The following ZC3H12B variants were observed in gnomAD, a reference collection of about 807,000 sequenced individuals.
The protein encoded by ZC3H12B is probable ribonuclease ZC3H12B.
ZC3H12B carries 7 observed loss-of-function variants against 43.9 expected under a neutral mutation model. The ratio of observed to expected loss-of-function variants is 0.16; its 90% CI spans 0.09 to 0.30. The LOEUF is 0.30. ZC3H12B is among the 10% of genes least tolerant of loss of function. ZC3H12B has a pLI of 1.00. For synonymous variants in ZC3H12B, 222 were observed against 241.7 expected, an observed-to-expected ratio of 0.92 and a Z score of 0.76; for missense variants, 475 against 670.2, an observed-to-expected ratio of 0.71 and a Z score of 3.22.
At chrX:65,400,119 C>T (rs1206495741) in intron 3 of ZC3H12B, among the ~76,000 whole-genome samples, 2 of 110,576 alleles carry the variant, frequency 1.8e-5, no homozygotes, top group African/African-American at 3.3e-5. Flanking sequence ...TTTGCTAGGA[C>T]AACAGGGTGA....
At chrX:65,113,094 G>A in the ZC3H12B span, among the ~76,000 whole-genome samples, 3 of 111,317 alleles carry the variant, frequency 2.7e-5, no homozygotes, top group East Asian at 2.9e-4. Flanking sequence ...ACATTGAGGG[G>A]TTAAAGGCTT....
the ZC3H12B span, among the ~76,000 whole-genome samples, chrX:65,313,664 C>A: frequency 7.3e-3 from 824 of 112,289 alleles, 5 homozygotes; most frequent in Non-Finnish European, 0.012. Flanking sequence ...CCAAATATAA[C>A]CAGGTTAACT....
chrX:65,288,650 G>A, the ZC3H12B span, among the ~76,000 whole-genome samples: 1 of 111,982 alleles, frequency 8.9e-6, no homozygotes, highest in South Asian at 3.6e-4. Flanking sequence ...ACTGAGTGGG[G>A]AAAAGTTGAA....
the ZC3H12B span, among the ~76,000 whole-genome samples, chrX:65,311,602 T>G: frequency 1.8e-5 from 2 of 111,914 alleles, no homozygotes; most frequent in African/African-American, 6.5e-5. Flanking sequence ...CTCAAGGATC[T>G]AGAACTAGAA....
chrX:65,142,153 C>A, the ZC3H12B span, among the ~76,000 whole-genome samples: 28 of 112,097 alleles, frequency 2.5e-4, no homozygotes, highest in Non-Finnish European at 4.3e-4. Flanking sequence ...TCCCTGTTCA[C>A]CACATCCATG....
At chrX:65,264,370 C>T in the ZC3H12B span, among the ~76,000 whole-genome samples, 1 of 111,736 alleles carries the variant, frequency 8.9e-6, no homozygotes, top group Non-Finnish European at 1.9e-5. Context: ...ACAATTCATT[C>T]AGTCAATTTC....
chrX:65,327,768 A>G, the ZC3H12B span, among the ~76,000 whole-genome samples: 2 of 111,944 alleles, frequency 1.8e-5, no homozygotes, highest in East Asian at 5.6e-4. Flanking sequence ...TCTGTCGTCC[A>G]TCACTGAATA....
chrX:65,294,075 G>A, the ZC3H12B span, among the ~76,000 whole-genome samples: 1 of 111,337 alleles, frequency 9.0e-6, no homozygotes, highest in South Asian at 3.8e-4. Flanking sequence ...AAGTCAAGAT[G>A]AAGGAAAGAA....
chrX:65,397,659 C>A (rs1363464377), intron 2 of ZC3H12B, among the ~76,000 whole-genome samples: 2 of 111,058 alleles, frequency 1.8e-5, no homozygotes, highest in African/African-American at 6.5e-5. Flanking sequence ...ATACAATAGA[C>A]CCATAGCTAG....
At chrX:65,240,155 T>C in the ZC3H12B span, among the ~76,000 whole-genome samples, 5 of 112,104 alleles carry the variant, frequency 4.5e-5, no homozygotes, top group Non-Finnish European at 7.5e-5. Flanking sequence ...CTGGATGATA[T>C]CCTGTAGTAT....
At chrX:65,070,157 A>G in the ZC3H12B span, among the ~76,000 whole-genome samples, 2 of 104,391 alleles carry the variant, frequency 1.9e-5, no homozygotes, top group Non-Finnish European at 3.9e-5. Flanking sequence ...TGTCTTTTTT[A>G]TTTTCAGTCT....
At chrX:65,162,172 T>C in the ZC3H12B span, among the ~76,000 whole-genome samples, 21 of 111,527 alleles carry the variant, frequency 1.9e-4, no homozygotes, top group Admixed American at 3.8e-4. Context: ...GTGGGTAACC[T>C]GACCTTTCTC....
chrX:65,051,195 T>G, the ZC3H12B span, among the ~76,000 whole-genome samples: 1 of 111,855 alleles, frequency 8.9e-6, no homozygotes, highest in East Asian at 2.8e-4. Flanking sequence ...GTGGCATCAG[T>G]TTTTATGTTT....
chrX:65,184,530 A>G, the ZC3H12B span, among the ~76,000 whole-genome samples: 1 of 111,779 alleles, frequency 8.9e-6, no homozygotes, highest in Non-Finnish European at 1.9e-5. Context: ...GTAAACTAGT[A>G]AAAAGGGCAG....
chrX:65,261,268 A>G, the ZC3H12B span, among the ~76,000 whole-genome samples: 1 of 111,760 alleles, frequency 8.9e-6, no homozygotes, highest in African/African-American at 3.2e-5. Context: ...TAAATTTGAA[A>G]GTAAAGTTTT....
the ZC3H12B span, among the ~76,000 whole-genome samples, chrX:65,214,666 G>C: frequency 1.8e-5 from 2 of 110,966 alleles, no homozygotes; most frequent in African/African-American, 6.5e-5. Flanking sequence ...CATCCATAAA[G>C]TTTGGAATAA....
chrX:65,054,001 A>G, the ZC3H12B span, among the ~76,000 whole-genome samples: 2 of 111,829 alleles, frequency 1.8e-5, no homozygotes, highest in South Asian at 3.7e-4. Context: ...GTAGATTCTG[A>G]ATATTAGCCC....
the ZC3H12B span, among the ~76,000 whole-genome samples, chrX:65,315,513 C>A: frequency 9.0e-6 from 1 of 111,515 alleles, no homozygotes; most frequent in African/African-American, 3.3e-5. Flanking sequence ...TAGTAGCAGC[C>A]CCCCAGAGCT....
At chrX:65,267,639 T>C in the ZC3H12B span, among the ~76,000 whole-genome samples, 1 of 111,156 alleles carries the variant, frequency 9.0e-6, no homozygotes, top group Non-Finnish European at 1.9e-5. Context: ...ACCAGAACAA[T>C]GTCTCACTAA....
Sources: allele counts gnomAD v4.1 joint callset (sites outside exome capture counted in the v4.1 genomes callset), GRCh38; gene constraint gnomAD v4.1.1; transcripts MANE v1.5; gene names NCBI Gene and HGNC (gene_info 2026-07-23, HGNC 2026-07-21).